Variants in KBTBD11 observed in about 807,000 individuals in gnomAD.
KBTBD11 encodes kelch repeat and BTB domain-containing protein 11.
For missense variants in KBTBD11, 1,390 were observed against 1,001.8 expected (o/e 1.39, Z -5.23); for synonymous variants, 747 against 499.0 (o/e 1.50, Z -6.63).
chr8:1,984,703 C>T (rs946526959), intron 1 of KBTBD11, among the ~76,000 whole-genome samples: 2 of 152,122 alleles, frequency 1.3e-5, no homozygotes, highest in African/African-American at 4.8e-5. Context: ...CCCACAGGAG[C>T]AGGAACTCAT....
rs146922012 is a variant in KBTBD11, at chr8:1,991,136, T to C, written c.-908-9149T>C. On this transcript the variant is annotated intron_variant, in intron 1 of 1. Transcript: ENST00000320248. ...TGGCGCCCTGTCCGGGTAGATGCTG[T>C]GGGGCCTTGGTGCCCTCTTCTTGTC... Among the ~76,000 whole-genome samples the C allele has an allele frequency of 9.9e-4, 145 of 145,952 alleles. 4 individuals are homozygous for C. The highest frequency in any genetic ancestry group is 3.5e-3 in the African/African-American group (133 of 37,700).
chr8:1,996,759 T>G (rs973521197), intron 1 of KBTBD11, among the ~76,000 whole-genome samples: 1 of 152,224 alleles, frequency 6.6e-6, no homozygotes, highest in African/African-American at 2.4e-5. Flanking sequence ...AAATATATAA[T>G]GTCCACATTG....
chr8:1,986,148 G>A (rs1329628493), intron 1 of KBTBD11, among the ~76,000 whole-genome samples: 3 of 152,180 alleles, frequency 2.0e-5, no homozygotes, highest in African/African-American at 7.2e-5. Context: ...GCTGGTTTGG[G>A]GTTGGCCACG....
chr8:1,980,275 G>A (rs1454288994), intron 1 of KBTBD11, among the ~76,000 whole-genome samples: 1 of 147,190 alleles, frequency 6.8e-6, no homozygotes, highest in East Asian at 2.0e-4. Context: ...TCACCAGGCT[G>A]GAGTGCAGTG....
intron 1 of KBTBD11, among the ~76,000 whole-genome samples, chr8:1,999,765 A>G (rs1338247904): frequency 6.6e-6 from 1 of 152,240 alleles, no homozygotes; most frequent in African/African-American, 2.4e-5. Flanking sequence ...CCAGAGAAGC[A>G]TCCTAACGCC....
chr8:1,987,566 C>T (rs1038730992), intron 1 of KBTBD11, among the ~76,000 whole-genome samples: 2 of 152,074 alleles, frequency 1.3e-5, no homozygotes, highest in Non-Finnish European at 2.9e-5. Flanking sequence ...CTCCGGCCAC[C>T]CTCGGTCTCT....
chr8:1,982,500 C>T (rs546750356), intron 1 of KBTBD11, among the ~76,000 whole-genome samples: 39 of 99,736 alleles, frequency 3.9e-4, no homozygotes, highest in Non-Finnish European at 7.8e-4. Context: ...CCACTATATG[C>T]TGCCTACAAG....
chr8:1,974,978 T>G (rs1165563021), intron 1 of KBTBD11: 1 of 152,528 alleles, frequency 6.6e-6, no homozygotes, highest in Non-Finnish European at 1.5e-5. Context: ...CCCGCCTCCA[T>G]TTCCCACTAA....
At chr8:1,977,249 C>T (rs572352628) in intron 1 of KBTBD11, among the ~76,000 whole-genome samples, 7 of 152,144 alleles carry the variant, frequency 4.6e-5, no homozygotes, top group African/African-American at 1.7e-4. Context: ...GGAGACTTCC[C>T]GAGTCCTAAA....
At position 2,002,396 on chromosome 8, in the gene KBTBD11, C is replaced by T. The variant is rs1319792109; in HGVS notation, c.1204C>T (p.Arg402Cys). Residue 402 changes from arginine to cysteine, a missense_variant, in exon 2 of 2, where the codon CGC becomes TGC. By Grantham distance (180) the Arg-to-Cys change is radical. Coordinates refer to ENST00000320248, the MANE Select transcript of KBTBD11 (RefSeq NM_014867.3). This position sits in a 1 kb window ranked among gnomAD's most constrained non-coding sequence, Gnocchi z 4.1. ...CGCCGTGAGGCCCCTGCGCCAGGCGCGCTCGCAGCTGCGGCTGCTGGCCCT... is the reference window on the plus strand; with the variant it reads ...CGCCGTGAGGCCCCTGCGCCAGGCGTGCTCGCAGCTGCGGCTGCTGGCCCT... Reference protein sequence around the residue: ...WSAVRPLRQARSQLRLLALDG... With the variant: ...WSAVRPLRQACSQLRLLALDG... The T allele has an allele frequency of 2.7e-6, 4 of 1,480,594 alleles. No homozygotes were observed. Among genetic ancestry groups the T allele is most frequent in the Non-Finnish European group, 3.6e-6 (4 of 1,121,942 alleles). 91.7% of individuals were successfully genotyped at this position (1,480,594 alleles called of 1,614,324 possible). A position where few individuals can be genotyped will look rare whatever the true frequency, so the allele number is the denominator to read the frequency against.
chr8:1,981,805 C>G (rs1816549956), intron 1 of KBTBD11, among the ~76,000 whole-genome samples: 1 of 152,192 alleles, frequency 6.6e-6, no homozygotes, highest in Admixed American at 6.5e-5. Context: ...CAGTGGTCCC[C>G]TGGGTTGTCA....
chr8:1,993,845 A>C (rs990939074), intron 1 of KBTBD11, among the ~76,000 whole-genome samples: 3 of 151,512 alleles, frequency 2.0e-5, no homozygotes, highest in Admixed American at 6.6e-5. Context: ...CTGCTTCTCA[A>C]ACCAGGATGG....
chr8:1,998,531 C>T (rs539081769), intron 1 of KBTBD11, among the ~76,000 whole-genome samples: 166 of 152,234 alleles, frequency 1.1e-3, no homozygotes, highest in South Asian at 2.5e-3. Flanking sequence ...AGATGACTCT[C>T]GGGATGGAGG....
intron 1 of KBTBD11, among the ~76,000 whole-genome samples, chr8:1,997,246 T>G (rs1333619593): frequency 6.6e-6 from 1 of 152,112 alleles, no homozygotes; most frequent in Non-Finnish European, 1.5e-5. Flanking sequence ...ATGGTGGCGG[T>G]GGGAGGAATC....
At chr8:1,997,712 C>T (rs1817195887) in intron 1 of KBTBD11, among the ~76,000 whole-genome samples, 1 of 152,224 alleles carries the variant, frequency 6.6e-6, no homozygotes, top group African/African-American at 2.4e-5. Context: ...GAGCTGCTGG[C>T]CTGCTTTTGC....
At chr8:1,981,465 T>C (rs932555470) in intron 1 of KBTBD11, among the ~76,000 whole-genome samples, 1 of 152,164 alleles carries the variant, frequency 6.6e-6, no homozygotes, top group Non-Finnish European at 1.5e-5. Context: ...ACAAAACTAT[T>C]AAAACAGTAA....
intron 1 of KBTBD11, among the ~76,000 whole-genome samples, chr8:1,991,248 C>T (rs965772260): frequency 6.6e-6 from 1 of 152,376 alleles, no homozygotes; most frequent in East Asian, 1.9e-4. Flanking sequence ...AGGGCAGCGG[C>T]TGCACCGTGC....
Position 2,005,446 on chromosome 8 carries a change from G to A in KBTBD11, c.*2382G>A, listed in dbSNP as rs1352831261. The A allele has an allele frequency of 6.1e-6, 1 of 163,952 alleles. No homozygotes were observed. The highest frequency in any genetic ancestry group is 1.5e-5 in the Non-Finnish European group (1 of 67,616). 10.2% of individuals were successfully genotyped at this position (163,952 alleles called of 1,614,324 possible). A position where few individuals can be genotyped will look rare whatever the true frequency, so the allele number is the denominator to read the frequency against. On this transcript the variant is annotated 3_prime_UTR_variant, in exon 2 of 2. Transcript: ENST00000320248. ...CTTTTTGGGGGCCAGTCCCTGGGGT[G>A]TGGAGCCGCTAGGGTTTGCACCCAT...
In KBTBD11 at chr8:2,002,686, C is replaced by G. The variant is rs565936634; in HGVS notation, c.1494C>G (p.Leu498=). Residue 498 remains leucine (L), a synonymous_variant, in exon 2 of 2, where the codon CTC becomes CTG. Transcript: ENST00000320248. The surrounding 1 kb of genome is among the most constrained non-coding windows in gnomAD (Gnocchi z 4.1). ...SRERSADMVA[L]DGFIYRFDLS... ...AGCGCTCGGCCGACATGGTGGCTCT[C>G]GACGGCTTCATCTACCGCTTCGATC... 2.1e-5 allele frequency: 33 copies of G among 1,559,246 alleles called. No individual in the cohort carries two copies. The highest frequency in any genetic ancestry group is 2.8e-5 in the Non-Finnish European group (32 of 1,161,916).
Sources: gnomAD v4.1 joint callset for allele counts (sites outside exome capture counted in the v4.1 genomes callset) on GRCh38, gnomAD v4.1.1 for gene constraint, Gnocchi (gnomAD v3.1) non-coding constraint, MANE v1.5 for transcripts, NCBI Gene and HGNC (gene_info 2026-07-23, HGNC 2026-07-21) for gene names.